The following PRSS23 variants were observed in gnomAD, a reference collection of about 807,000 sequenced individuals.
PRSS23 encodes the protein serine protease 23.
Under a neutral mutation model 34.7 loss-of-function variants are expected in PRSS23, and 25 were observed. The observed-to-expected ratio is 0.72, with a 90% CI of 0.53 to 1.01. The LOEUF (loss-of-function observed/expected upper bound fraction) is 1.01. Among genes scored for constraint, PRSS23 ranks in the 50% least tolerant of loss-of-function variants. The pLI is 0.00. For synonymous variants in PRSS23, 176 were observed against 186.6 expected (o/e 0.94, Z 0.46); for missense variants, 445 against 475.6 (o/e 0.94, Z 0.60).
intron 2 of PRSS23, among the ~76,000 whole-genome samples, chr11:86,879,062 G>A (rs1242541901): frequency 4.2e-5 from 6 of 141,310 alleles, no homozygotes; most frequent in East Asian, 4.4e-4. Flanking sequence ...AGTGAGGAGC[G>A]TCTCTGCCCG....
chr11:86,935,400 C>CG (rs11398100), intron 2 of PRSS23: 95,050 of 152,014 alleles, frequency 0.63, 30,201 homozygotes, highest in Non-Finnish European at 0.69. Context: ...GTGCTGTGGA[C>CG]GGCAAAGGCA....
At chr11:86,802,285 A>G (rs1948049368) in intron 1 of PRSS23, among the ~76,000 whole-genome samples, 1 of 152,240 alleles carries the variant, frequency 6.6e-6, no homozygotes, top group Admixed American at 6.5e-5. Flanking sequence ...CTGAAATCCG[A>G]TAGAGAAGAG....
chr11:86,879,544 G>A (rs1418705089), intron 2 of PRSS23, among the ~76,000 whole-genome samples: 1 of 137,024 alleles, frequency 7.3e-6, no homozygotes, highest in African/African-American at 2.8e-5. Context: ...CCGGGAGGGA[G>A]GTGGGGGGGT....
intron 2 of PRSS23, among the ~76,000 whole-genome samples, chr11:86,900,112 CCTGAGAT>C (rs1948901693): frequency 6.6e-6 from 1 of 152,170 alleles, no homozygotes; most frequent in African/African-American, 2.4e-5. Context: ...GGACATGTTT[CCTGAGAT>C]ACTTAATGCC....
At chr11:86,827,913 A>C (rs1948316470) in intron 2 of PRSS23, among the ~76,000 whole-genome samples, 1 of 152,210 alleles carries the variant, frequency 6.6e-6, no homozygotes, top group Admixed American at 6.5e-5. Context: ...TTTACTTCCA[A>C]CTATGTGACC....
intron 2 of PRSS23, among the ~76,000 whole-genome samples, chr11:86,889,945 G>C (rs777687229): frequency 6.6e-6 from 1 of 152,150 alleles, no homozygotes; most frequent in Non-Finnish European, 1.5e-5. Context: ...GATCTGGTGT[G>C]GGACCTGGAA....
intron 2 of PRSS23, among the ~76,000 whole-genome samples, chr11:86,929,298 G>C (rs1949106842): frequency 6.8e-6 from 1 of 146,166 alleles, no homozygotes; most frequent in Non-Finnish European, 1.5e-5. Context: ...CTCCAGCCTG[G>C]GCAACAACAG....
chr11:86,824,222 C>T (rs937919094), intron 2 of PRSS23, among the ~76,000 whole-genome samples: 15 of 150,476 alleles, frequency 1.0e-4, no homozygotes, highest in African/African-American at 3.2e-4. Flanking sequence ...GTGGGAGGAT[C>T]GCTTGAGCCT....
chr11:86,913,180 C>T (rs1230707531), intron 2 of PRSS23, among the ~76,000 whole-genome samples: 2 of 151,162 alleles, frequency 1.3e-5, no homozygotes, highest in Non-Finnish European at 2.9e-5. Flanking sequence ...TATAGTTACC[C>T]TGAATGCTTC....
intron 2 of PRSS23, among the ~76,000 whole-genome samples, chr11:86,882,455 G>A (rs1948777884): frequency 6.6e-6 from 1 of 151,988 alleles, no homozygotes; most frequent in African/African-American, 2.4e-5. Context: ...AAAAACATGT[G>A]GTATTTGGTT....
At position 86,884,801 on chromosome 11, in the gene PRSS23, A is replaced by G. The variant is rs888327158; in HGVS notation, c.206+61208A>G. ...AAATGCATATATTATTGAACATGCCATGTGTCATTCATGCTACCATGACCT... is the reference window on the plus strand; with the variant it reads ...AAATGCATATATTATTGAACATGCCGTGTGTCATTCATGCTACCATGACCT... On this transcript the variant is annotated intron_variant, in intron 2 of 2. Transcript: ENST00000533902. Among the ~76,000 whole-genome samples, 3 of 152,132 alleles carry G rather than the reference A, an allele frequency of 2.0e-5. No homozygotes were observed. In the East Asian group the frequency reaches 5.8e-4, roughly 29 times the overall value.
intron 2 of PRSS23, among the ~76,000 whole-genome samples, chr11:86,925,622 T>C (rs2135008553): frequency 6.6e-6 from 1 of 152,344 alleles, no homozygotes; most frequent in South Asian, 2.1e-4. Context: ...ACAACTGTCA[T>C]TTACTGAGCA....
At chr11:86,815,985 A>G (rs867207450), downstream of PRSS23, among the ~76,000 whole-genome samples, 8 of 152,008 alleles carry the variant, frequency 5.3e-5, no homozygotes, top group Admixed American at 1.3e-4. Context: ...CCCCTCCCCT[A>G]TGTTTCCTAT....
At chr11:86,841,483 A>C (rs555390156) in intron 2 of PRSS23, among the ~76,000 whole-genome samples, 39 of 152,150 alleles carry the variant, frequency 2.6e-4, no homozygotes, top group Non-Finnish European at 4.4e-4. Flanking sequence ...ACTTCAAAAA[A>C]ATCAATGAAT....
intron 2 of PRSS23, chr11:86,950,824 G>C (rs925890821): frequency 2.4e-6 from 1 of 424,178 alleles, no homozygotes; most frequent in Non-Finnish European, 4.4e-6. Flanking sequence ...AAACAGTATC[G>C]CCCTGGACTT....
At chr11:86,805,622 C>A (rs1376496301) in intron 1 of PRSS23, among the ~76,000 whole-genome samples, 2 of 152,126 alleles carry the variant, frequency 1.3e-5, no homozygotes. Context: ...TTATTTCTTT[C>A]TTTTCCTATC....
At chr11:86,935,606 A>T (rs1301846604) in intron 2 of PRSS23, 1 of 152,194 alleles carries the variant, frequency 6.6e-6, no homozygotes, top group Non-Finnish European at 1.5e-5. Context: ...TACTAAACAC[A>T]TACTGTTACC....
chr11:86,853,889 T>C lies in PRSS23; in HGVS notation c.206+30296T>C, dbSNP rs144419253. ...TACTTCCCTCTAGTTTCACCATTGC[T>C]TGTTTGTTTATCATATCCATCCTAA... On this transcript the variant is annotated intron_variant, in intron 2 of 2. Transcript: ENST00000533902. 7.6e-4 allele frequency among the ~76,000 whole-genome samples: 116 copies of C among 152,362 alleles called. 1 individual carries two copies. Among genetic ancestry groups the C allele is most frequent in the Middle Eastern group, 6.8e-3 (2 of 294 alleles).
At chr11:86,874,750 T>C (rs947884) in intron 2 of PRSS23, among the ~76,000 whole-genome samples, 80,887 of 152,072 alleles carry the variant, frequency 0.53, 22,747 homozygotes, top group African/African-American at 0.72. Context: ...TGAATTGGGA[T>C]ATTTTATAGG....
Sources: allele counts gnomAD v4.1 joint callset (sites outside exome capture counted in the v4.1 genomes callset), GRCh38; gene constraint gnomAD v4.1.1; transcripts MANE v1.5; gene names NCBI Gene and HGNC (gene_info 2026-07-23, HGNC 2026-07-21).